MED26: variants seen among roughly 807,000 people sequenced by gnomAD.
MED26 encodes mediator complex subunit 26.
Under a neutral mutation model 43.7 loss-of-function variants are expected in MED26, and 7 were observed. That is an observed-to-expected ratio of 0.16 (90% CI 0.09 to 0.30). MED26 has a LOEUF of 0.30. Ranked by LOEUF, MED26 falls within the 10% of genes least tolerant of loss-of-function variation. The pLI is 1.00. For synonymous variants in MED26, 375 were observed against 371.1 expected, an observed-to-expected ratio of 1.01 and a Z score of -0.12; for missense variants, 784 against 840.6, an observed-to-expected ratio of 0.93 and a Z score of 0.83.
Position 16,610,008 on chromosome 19 carries a change from C to T in MED26, c.72+17864G>A, listed in dbSNP as rs376409773. Among the ~76,000 whole-genome samples the T allele has an allele frequency of 4.7e-5, 7 of 149,322 alleles. No homozygotes were observed. The East Asian group carries it at 7.8e-4, about 17-fold the overall frequency. ...TAATGTTATTCAAGCCGGGTGTGGT[C>T]GCTCACACATGTAACCCCAACCCTT... On this transcript the variant is annotated intron_variant, in intron 1 of 2. Transcript: ENST00000263390.
intron 1 of MED26, among the ~76,000 whole-genome samples, chr19:16,621,061 A>T (rs926405878): frequency 6.6e-6 from 1 of 152,216 alleles, no homozygotes; most frequent in African/African-American, 2.4e-5. Flanking sequence ...ACATGTGAAA[A>T]CACTTCATGT....
rs571746786 is a variant in MED26, at chr19:16,610,305, A to C, written c.72+17567T>G. ...TAATAATAAGCAAAACCTTGCCTCT[A>C]AAAATAATAATAATCATAATGTTAT... On this transcript the variant is annotated intron_variant, in intron 1 of 2. Coordinates refer to ENST00000263390, the MANE Select transcript of MED26 (RefSeq NM_004831.5). 3 of 152,224 alleles carry C rather than the reference A, an allele frequency of 2.0e-5. No homozygotes were observed. The South Asian group carries it at 6.2e-4, about 32-fold the overall frequency. The allele number at this position is 152,224 out of a possible 1,614,324, so 9.4% of individuals were successfully genotyped here. A position where few individuals can be genotyped will look rare whatever the true frequency, so the allele number is the denominator to read the frequency against.
intron 1 of MED26, among the ~76,000 whole-genome samples, chr19:16,596,743 CG>C (rs1199008589): frequency 6.6e-6 from 1 of 152,162 alleles, no homozygotes; most frequent in Non-Finnish European, 1.5e-5. Flanking sequence ...CACAAAGGAA[CG>C]GGGTGACAGG....
chr19:16,613,364 C>T (rs1260135219), intron 1 of MED26, among the ~76,000 whole-genome samples: 1 of 152,186 alleles, frequency 6.6e-6, no homozygotes, highest in Non-Finnish European at 1.5e-5. Flanking sequence ...ACCTCATCAA[C>T]TGGAGCTGAC....
intron 1 of MED26, among the ~76,000 whole-genome samples, chr19:16,583,501 G>A (rs2086055692): frequency 1.3e-5 from 2 of 152,188 alleles, no homozygotes; most frequent in South Asian, 4.1e-4. Context: ...GGGCAAGGGT[G>A]TTGGGTGGGG....
At chr19:16,625,876 A>G (rs2122466158) in intron 1 of MED26, among the ~76,000 whole-genome samples, 1 of 152,322 alleles carries the variant, frequency 6.6e-6, no homozygotes, top group Non-Finnish European at 1.5e-5. Context: ...TTCATAGTCA[A>G]GAAGATAACT....
chr19:16,580,200 G>A (rs149352237), intron 1 of MED26, among the ~76,000 whole-genome samples: 7 of 152,288 alleles, frequency 4.6e-5, no homozygotes, highest in South Asian at 2.1e-4. Context: ...CCAAGACTGC[G>A]TGGCAAGAGT....
chr19:16,619,661 C>G (rs1247332368), intron 1 of MED26, among the ~76,000 whole-genome samples: 1 of 152,130 alleles, frequency 6.6e-6, no homozygotes, highest in Non-Finnish European at 1.5e-5. Flanking sequence ...CGGTGTGGGC[C>G]ATGGGTCACA....
intron 1 of MED26, among the ~76,000 whole-genome samples, chr19:16,605,010 G>A (rs548009065): frequency 1.3e-5 from 2 of 152,330 alleles, no homozygotes; most frequent in African/African-American, 4.8e-5. Flanking sequence ...TGTGGTGCCG[G>A]TGGCGGGGTG....
chr19:16,601,406 C>T (rs1360704554), intron 1 of MED26, among the ~76,000 whole-genome samples: 7 of 152,172 alleles, frequency 4.6e-5, no homozygotes, highest in Admixed American at 2.0e-4. Context: ...CTGTCCACCT[C>T]GGCCTCCCAA....
Position 16,577,833 on chromosome 19 carries a change from G to A in MED26, c.148-151C>T. 6.8e-6 allele frequency: 4 copies of A among 584,692 alleles called. No homozygotes were observed. Among genetic ancestry groups the A allele is most frequent in the Non-Finnish European group, 5.9e-6 (2 of 338,994 alleles). 36.2% of individuals were successfully genotyped at this position (584,692 alleles called of 1,614,324 possible). A position where few individuals can be genotyped will look rare whatever the true frequency, so the allele number is the denominator to read the frequency against. On this transcript the variant is annotated intron_variant, in intron 2 of 2. Coordinates refer to ENST00000263390, the MANE Select transcript of MED26 (RefSeq NM_004831.5). This position sits in a 1 kb window ranked among gnomAD's most constrained non-coding sequence, Gnocchi z 8.1. The stretch of plus-strand genomic sequence containing the variant: ...GCTTCCCTGACACAAAACTTCTGGG[G>A]ATTTCCGGTCCTTTGTGACAATATA...
chr19:16,590,226 G>C (rs2086089571), intron 1 of MED26, among the ~76,000 whole-genome samples: 2 of 152,200 alleles, frequency 1.3e-5, no homozygotes, highest in Non-Finnish European at 2.9e-5. Flanking sequence ...CCACACCATG[G>C]TCTCCCCTGA....
chr19:16,590,574 TTGA>T (rs1287016289), intron 1 of MED26, among the ~76,000 whole-genome samples: 1 of 152,196 alleles, frequency 6.6e-6, no homozygotes, highest in Non-Finnish European at 1.5e-5. Flanking sequence ...TGTAATATGG[TTGA>T]TTACACACAT....
chr19:16,606,303 C>G (rs890141806), intron 1 of MED26, among the ~76,000 whole-genome samples: 1 of 152,194 alleles, frequency 6.6e-6, no homozygotes, highest in Admixed American at 6.5e-5. Context: ...GTAATCCCAG[C>G]ACTTTGGGAG....
intron 1 of MED26, among the ~76,000 whole-genome samples, chr19:16,579,835 T>C (rs2086035662): frequency 6.6e-6 from 1 of 152,190 alleles, no homozygotes; most frequent in Admixed American, 6.5e-5. Context: ...TCCAAAAATA[T>C]CCCTTGTGTA....
rs2085991836 is a variant in MED26, at chr19:16,575,844, A to C, written c.*183T>G. ...TAGTAAACTGGTAGCAGCATTTCAC[A>C]AAAAGAGTTTTGAGGGAAGAGCGCA... On this transcript the variant is annotated 3_prime_UTR_variant, in exon 3 of 3. Coordinates refer to ENST00000263390, the MANE Select transcript of MED26 (RefSeq NM_004831.5). 3.3e-6 allele frequency: 2 copies of C among 603,000 alleles called. No individual in the cohort carries two copies. The highest frequency in any genetic ancestry group is 5.8e-6 in the Non-Finnish European group (2 of 343,568). The allele number at this position is 603,000 out of a possible 1,614,324, so 37.4% of individuals were successfully genotyped here.
intron 1 of MED26, among the ~76,000 whole-genome samples, chr19:16,612,777 A>G (rs1467231650): frequency 6.6e-6 from 1 of 152,230 alleles, no homozygotes; most frequent in Non-Finnish European, 1.5e-5. Flanking sequence ...CTTCCAAGGA[A>G]GAGGCTCTGG....
At position 16,598,919 on chromosome 19, in the gene MED26, TA is replaced by T. The variant is rs142001834; in HGVS notation, c.73-20511del. Among the ~76,000 whole-genome samples, 56 of 151,860 alleles carry T rather than the reference TA, an allele frequency of 3.7e-4. No homozygotes were observed. The Middle Eastern group carries it at 0.017, about 47-fold the overall frequency. On this transcript the variant is annotated intron_variant, in intron 1 of 2. Transcript: ENST00000263390. ...GCTACAATAAATAAAACAAAAGTAATAAAAAAAACACAGTACACATACTGGG... is the reference window on the plus strand; with the variant it reads ...GCTACAATAAATAAAACAAAAGTAATAAAAAAACACAGTACACATACTGGG...
Position 16,602,261 on chromosome 19 carries a change from C to T in MED26, c.73-23852G>A, listed in dbSNP as rs2086153443. 2.6e-5 allele frequency among the ~76,000 whole-genome samples: 4 copies of T among 152,226 alleles called. 1 individual carries two copies. The South Asian group carries it at 8.3e-4, about 32-fold the overall frequency. On this transcript the variant is annotated intron_variant, in intron 1 of 2. Transcript: ENST00000263390. ...AACACACAGCTTCTCCTCAAAGACA[C>T]AGAAATGCGACTGAAATGGGCATTT... is the stretch of plus-strand genomic sequence containing the variant.
Sources: gnomAD v4.1 joint callset for allele counts (sites outside exome capture counted in the v4.1 genomes callset) on GRCh38, gnomAD v4.1.1 for gene constraint, Gnocchi (gnomAD v3.1) non-coding constraint, MANE v1.5 for transcripts, NCBI Gene and HGNC (gene_info 2026-07-23, HGNC 2026-07-21) for gene names.